Variants in IPCEF1 observed in about 807,000 individuals in gnomAD.
IPCEF1 encodes the protein interactor protein for cytohesin exchange factors 1.
Under a neutral mutation model 50.9 loss-of-function variants are expected in IPCEF1, and 31 were observed. The ratio of observed to expected loss-of-function variants is 0.61; its 90% confidence interval spans 0.46 to 0.82. IPCEF1 has a LOEUF of 0.82. IPCEF1 is among the 40% of genes least tolerant of loss of function. IPCEF1 has a pLI of 0.00. For synonymous variants in IPCEF1, 181 were observed against 192.0 expected, an observed-to-expected ratio of 0.94 and a Z score of 0.47; for missense variants, 458 against 514.0, an observed-to-expected ratio of 0.89 and a Z score of 1.05.
intron 1 of IPCEF1, among the ~76,000 whole-genome samples, chr6:154,346,865 A>G (rs1225496482): frequency 5.9e-5 from 9 of 152,196 alleles, no homozygotes; most frequent in Admixed American, 5.9e-4. Context: ...TTACAGTTCA[A>G]CGTAAGATTT....
chr6:154,315,696 CCCTGAGATA>C (rs1429924383), intron 1 of IPCEF1, among the ~76,000 whole-genome samples: 2 of 152,140 alleles, frequency 1.3e-5, no homozygotes, highest in African/African-American at 4.8e-5. Flanking sequence ...CTGTATTTGG[CCCTGAGATA>C]CCAATCCCCC....
chr6:154,248,967 C>T (rs9397184), intron 3 of IPCEF1, among the ~76,000 whole-genome samples: 66,066 of 151,738 alleles, frequency 0.44, 15,035 homozygotes, highest in Admixed American at 0.57. Context: ...GCAATTACAA[C>T]GAAGCTAAAG....
In IPCEF1 at chr6:154,159,975, T is replaced by C. The variant is rs1798870350; in HGVS notation, c.1170A>G (p.Lys390=). The change falls in exon 12 of 12, where the codon AAA becomes AAG. Residue 390 remains lysine, a synonymous_variant. Coordinates refer to ENST00000367220, the MANE Select transcript of IPCEF1 (RefSeq NM_001130700.2). ...TGTTCATGACTTTCCACTCTCTGTA[T>C]TTCCTGGCTGTCAGCTTCGGGTCAT... ...LLDDPKLTAR[K]YREWKVMNTL... is the part of the protein sequence containing the mutation. 1.2e-6 allele frequency: 2 copies of C among 1,613,112 alleles called. No homozygotes were observed. Among genetic ancestry groups the C allele is most frequent in the African/African-American group, 1.3e-5 (1 of 74,874 alleles).
intron 1 of IPCEF1, among the ~76,000 whole-genome samples, chr6:154,351,097 A>G (rs1447503005): frequency 6.6e-6 from 1 of 152,248 alleles, no homozygotes; most frequent in Non-Finnish European, 1.5e-5. Context: ...CTTGTAGCGC[A>G]AAACTATCAT....
intron 1 of IPCEF1, among the ~76,000 whole-genome samples, chr6:154,317,712 A>G (rs1783259563): frequency 6.6e-6 from 1 of 152,148 alleles, no homozygotes; most frequent in Non-Finnish European, 1.5e-5. Context: ...TATAATGGGA[A>G]AAGTCAGAAA....
At chr6:154,274,144 G>A (rs1295772905) in intron 2 of IPCEF1, among the ~76,000 whole-genome samples, 1 of 150,942 alleles carries the variant, frequency 6.6e-6, no homozygotes, top group African/African-American at 2.4e-5. Flanking sequence ...TTTCTCTTTC[G>A]GTTATCTTCC....
At chr6:154,265,852 T>G in intron 3 of IPCEF1, 60 bp downstream of exon 3, 2 of 1,204,004 alleles carry the variant, frequency 1.7e-6, no homozygotes, top group Non-Finnish European at 2.4e-6. Flanking sequence ...CAACCTACTA[T>G]TTTACTCATT....
At chr6:154,283,150 G>A (rs1282312957) in intron 2 of IPCEF1, among the ~76,000 whole-genome samples, 1 of 151,384 alleles carries the variant, frequency 6.6e-6, no homozygotes, top group African/African-American at 2.4e-5. Flanking sequence ...AAAAAAATTA[G>A]CCAGGCATGG....
At chr6:154,237,348 T>A (rs1433517634) in intron 5 of IPCEF1, among the ~76,000 whole-genome samples, 1 of 152,222 alleles carries the variant, frequency 6.6e-6, no homozygotes, top group Non-Finnish European at 1.5e-5. Context: ...TCCATTCCCA[T>A]CTTGTAGCTT....
intron 5 of IPCEF1, among the ~76,000 whole-genome samples, chr6:154,230,621 G>C (rs1779644718): frequency 1.3e-5 from 2 of 152,288 alleles, no homozygotes; most frequent in Non-Finnish European, 2.9e-5. Context: ...AGAGGACCAA[G>C]CCAGAAACAG....
intron 10 of IPCEF1, among the ~76,000 whole-genome samples, chr6:154,183,821 C>T (rs1308143620): frequency 3.3e-5 from 5 of 151,954 alleles, no homozygotes; most frequent in African/African-American, 1.2e-4. Flanking sequence ...ACCCAGGAGG[C>T]AGAGGTTACA....
rs1411323423 is a variant in IPCEF1 at position 154,335,180 on chromosome 6, A to T, written c.-62+21492T>A. 4.6e-5 allele frequency among the ~76,000 whole-genome samples: 7 copies of T among 151,672 alleles called. No homozygotes were observed. In the East Asian group the frequency reaches 1.4e-3, roughly 29 times the overall value. Reference sequence around the variant, plus strand: ...TAAAATAAAATAAAATAAAAAGATAATGTCTATCTGTCAGATCATTCCAGT... The same window carrying T: ...TAAAATAAAATAAAATAAAAAGATATTGTCTATCTGTCAGATCATTCCAGT... On this transcript the variant is annotated intron_variant, in intron 1 of 11. Coordinates refer to ENST00000367220, the MANE Select transcript of IPCEF1 (RefSeq NM_001130700.2).
chr6:154,330,919 A>G (rs1024940401), intron 1 of IPCEF1, among the ~76,000 whole-genome samples: 3 of 152,198 alleles, frequency 2.0e-5, no homozygotes, highest in African/African-American at 7.2e-5. Context: ...GGAGGTAGCT[A>G]GGCAGACATG....
chr6:154,246,612 C>G lies in IPCEF1; in HGVS notation c.225G>C (p.Leu75=). 2 of 1,613,674 alleles carry G rather than the reference C, an allele frequency of 1.2e-6. No individual in the cohort carries two copies. Among genetic ancestry groups the G allele is most frequent in the African/African-American group, 1.3e-5 (1 of 75,012 alleles). ...TCACCATTTGATTGCTATACCAGTA[C>G]AGTGACGACCCCTTCAGTATCACCC... ...KFWVILKGSS[L]YWYSNQMAEK... Residue 75 remains leucine (L), a synonymous_variant, in exon 5 of 12, where the codon CTG becomes CTC. Transcript: ENST00000367220.
intron 1 of IPCEF1, among the ~76,000 whole-genome samples, chr6:154,327,485 T>C (rs1783550804): frequency 6.6e-6 from 1 of 152,070 alleles, no homozygotes; most frequent in African/African-American, 2.4e-5. Flanking sequence ...AAATCACAGA[T>C]TATTAGAGAC....
chr6:154,341,557 A>G lies in IPCEF1; in HGVS notation c.-62+15115T>C, dbSNP rs367924565. 7.9e-5 allele frequency among the ~76,000 whole-genome samples: 12 copies of G among 152,330 alleles called. No homozygotes were observed. The East Asian group carries it at 1.2e-3, about 15-fold the overall frequency. On this transcript the variant is annotated intron_variant, in intron 1 of 11. Transcript: ENST00000367220. ...ATAGAGTGCAATGAACAAAACACGC[A>G]GGAAGTTTGCCAGGCTAAATCAGTT... is the stretch of plus-strand genomic sequence containing the variant.
chr6:154,274,908 G>T (rs115757193), intron 2 of IPCEF1, among the ~76,000 whole-genome samples: 1 of 152,142 alleles, frequency 6.6e-6, no homozygotes, highest in Non-Finnish European at 1.5e-5. Context: ...TTTGTTCTGC[G>T]GTTGTCTTAA....
chr6:154,294,943 A>C (rs1229613398), intron 1 of IPCEF1, among the ~76,000 whole-genome samples: 1 of 152,214 alleles, frequency 6.6e-6, no homozygotes, highest in Non-Finnish European at 1.5e-5. Flanking sequence ...TCATGCCTGT[A>C]ATCCCAGCAC....
At chr6:154,195,634 G>A (rs1444891406) in intron 10 of IPCEF1, among the ~76,000 whole-genome samples, 1 of 151,908 alleles carries the variant, frequency 6.6e-6, no homozygotes, top group Non-Finnish European at 1.5e-5. Context: ...ATCTTGTCTT[G>A]GGTCCCTGCT....
Sources: allele counts gnomAD v4.1 joint callset (sites outside exome capture counted in the v4.1 genomes callset), GRCh38; gene constraint gnomAD v4.1.1; transcripts MANE v1.5; gene names NCBI Gene and HGNC (gene_info 2026-07-23, HGNC 2026-07-21).